Variants in DLGAP5 observed in about 807,000 individuals in gnomAD.
The protein encoded by DLGAP5 is disks large-associated protein 5.
In DLGAP5, 90 loss-of-function variants were observed where a neutral mutation model predicts 99.6. That is an observed-to-expected ratio of 0.90 (90% CI 0.76 to 1.08). The LOEUF (loss-of-function observed/expected upper bound fraction) is 1.08. Ranked by LOEUF, DLGAP5 falls within the 50% of genes least tolerant of loss-of-function variation. DLGAP5 has a pLI of 0.00. For synonymous variants in DLGAP5, 311 were observed against 321.3 expected (o/e 0.97, Z 0.34); for missense variants, 1,036 against 983.5 (o/e 1.05, Z -0.71).
intron 10 of DLGAP5, among the ~76,000 whole-genome samples, chr14:55,173,587 G>A (rs1594676339): frequency 6.8e-6 from 1 of 147,906 alleles, no homozygotes; most frequent in East Asian, 1.9e-4. Flanking sequence ...GATATATGTT[G>A]TCTCTCTCTC....
In DLGAP5 at chr14:55,183,778, A is replaced by G. The variant is rs535366246; in HGVS notation, c.239-25T>C. On this transcript the variant is annotated intron_variant, in intron 2 of 18. Transcript: ENST00000247191. ...CCTAGGCAGAAAAAAAACCAAAACC[A>G]CACAGTATATAAAACATTTCAGATG... The G allele has an allele frequency of 3.3e-6, 5 of 1,524,526 alleles. No individual in the cohort carries two copies. The South Asian group carries it at 5.1e-5, about 16-fold the overall frequency. 94.4% of individuals were successfully genotyped at this position (1,524,526 alleles called of 1,614,324 possible).
intron 14 of DLGAP5, among the ~76,000 whole-genome samples, chr14:55,156,353 AG>A (rs1882217040): frequency 1.3e-5 from 2 of 152,216 alleles, no homozygotes; most frequent in African/African-American, 4.8e-5. Context: ...GTTGAGAGAC[AG>A]GGTACTACAT....
intron 1 of DLGAP5, 117 bp downstream of exon 1, chr14:55,191,346 C>T (rs898022379): frequency 3.3e-5 from 5 of 152,924 alleles, no homozygotes; most frequent in African/African-American, 1.2e-4. Flanking sequence ...GTAACACGGT[C>T]CTAAAGGAGC....
intron 8 of DLGAP5, among the ~76,000 whole-genome samples, chr14:55,176,358 T>C (rs1228519732): frequency 1.3e-5 from 2 of 152,232 alleles, no homozygotes. Flanking sequence ...AACTGATTTT[T>C]CCCTTGTTTT....
At chr14:55,184,661 A>T (rs1883376205) in intron 2 of DLGAP5, among the ~76,000 whole-genome samples, 1 of 152,192 alleles carries the variant, frequency 6.6e-6, no homozygotes, top group Admixed American at 6.5e-5. Flanking sequence ...GGGAGAAGCC[A>T]GGTGCCATGT....
chr14:55,190,979 C>T (rs1594689020), intron 1 of DLGAP5: 2 of 152,244 alleles, frequency 1.3e-5, no homozygotes, highest in South Asian at 4.1e-4. Context: ...CGCTCTCATA[C>T]AGATGAGGTC....
intron 4 of DLGAP5, among the ~76,000 whole-genome samples, chr14:55,181,672 A>G (rs1247949462): frequency 6.6e-6 from 1 of 152,138 alleles, no homozygotes; most frequent in Non-Finnish European, 1.5e-5. Context: ...TCTCTTCTCC[A>G]CTTCCATAAT....
chr14:55,158,159 T>G (rs1470270432), intron 14 of DLGAP5, among the ~76,000 whole-genome samples: 1 of 152,224 alleles, frequency 6.6e-6, no homozygotes, highest in Non-Finnish European at 1.5e-5. Context: ...CTAACTGACC[T>G]GAAGAAAATC....
chr14:55,155,364 G>A (rs1224933575), intron 14 of DLGAP5, among the ~76,000 whole-genome samples: 2 of 148,774 alleles, frequency 1.3e-5, no homozygotes, highest in African/African-American at 5.0e-5. Flanking sequence ...TGTTTTTTTA[G>A]AGATGGAGTT....
At chr14:55,161,038 G>A (rs886544208) in intron 13 of DLGAP5, among the ~76,000 whole-genome samples, 1 of 151,948 alleles carries the variant, frequency 6.6e-6, no homozygotes, top group South Asian at 2.1e-4. Flanking sequence ...ATGGAAAAAA[G>A]GGAGGAAAGG....
chr14:55,154,501 G>C (rs904728100), intron 15 of DLGAP5, 116 bp downstream of exon 15: 1 of 824,538 alleles, frequency 1.2e-6, no homozygotes, highest in African/African-American at 1.7e-5. Context: ...TATGTTGCAG[G>C]GTCATTATGA....
Position 55,158,726 on chromosome 14 carries a change from C to T in DLGAP5, c.1669G>A (p.Gly557Ser). The change falls in exon 14 of 19, where the codon GGT becomes AGT. Residue 557 changes from glycine to serine, a missense_variant. Physicochemically the swap from Gly to Ser is moderately conservative, Grantham distance 56 (BLOSUM62 0). Coordinates refer to ENST00000247191, the MANE Select transcript of DLGAP5 (RefSeq NM_014750.5). Reference protein sequence around the residue: ...KNVFRKKVVSGIASKPKQDDA... With the variant: ...KNVFRKKVVSSIASKPKQDDA... ...TCCTGTTTTGGTTTACTTGCTATAC[C>T]TGAGACAACTTTTTTCTGCAAAGAG... 6.2e-7 allele frequency: 1 copy of T among 1,613,262 alleles called. No individual in the cohort carries two copies. Among genetic ancestry groups the T allele is most frequent in the Non-Finnish European group, 8.5e-7 (1 of 1,179,472 alleles).
intron 18 of DLGAP5, chr14:55,150,537 A>G: frequency 4.2e-6 from 1 of 240,830 alleles, no homozygotes; most frequent in Non-Finnish European, 8.0e-6. Context: ...ATATATTCAG[A>G]TATTCAAGTA....
chr14:55,190,224 G>GT lies in DLGAP5; in HGVS notation c.-1-1045dup, dbSNP rs375841070. The stretch of plus-strand genomic sequence containing the variant: ...GAGGCAGGACTGCTTGAGCCCAGGA[G>GT]TTTGAGACCAGCCTGGGCAACATAA... On this transcript the variant is annotated intron_variant, in intron 1 of 18. Coordinates refer to ENST00000247191, the MANE Select transcript of DLGAP5 (RefSeq NM_014750.5). Among the ~76,000 whole-genome samples, 29 of 152,060 alleles carry GT rather than the reference G, an allele frequency of 1.9e-4. 1 individual carries two copies. The highest frequency in any genetic ancestry group is 6.3e-4 in the African/African-American group (26 of 41,418).
rs1594658327 is a variant in DLGAP5 at position 55,148,226 on chromosome 14, C to T, written c.*125G>A. ...TATCTAAAATACACTTTGATGAACA[C>T]AGAATATTAAAACATTATATGCTAT... On this transcript the variant is annotated 3_prime_UTR_variant, in exon 19 of 19. Coordinates refer to ENST00000247191, the MANE Select transcript of DLGAP5 (RefSeq NM_014750.5). The T allele has an allele frequency of 1.0e-6, 1 of 975,584 alleles. No individual in the cohort carries two copies. 60.4% of individuals were successfully genotyped at this position (975,584 alleles called of 1,614,324 possible).
intron 3 of DLGAP5, among the ~76,000 whole-genome samples, chr14:55,182,809 T>G (rs143246356): frequency 1.1e-3 from 167 of 152,302 alleles, no homozygotes; most frequent in Admixed American, 3.2e-3. Flanking sequence ...TATATCCTTA[T>G]TGGAATGGTC....
intron 13 of DLGAP5, among the ~76,000 whole-genome samples, chr14:55,162,019 C>G (rs1021772340): frequency 7.3e-5 from 11 of 151,544 alleles, no homozygotes; most frequent in African/African-American, 2.7e-4. Flanking sequence ...TCTAGACAAC[C>G]TGAGTTTATA....
chr14:55,158,866 C>T (rs143015786), intron 13 of DLGAP5, 125 bp from the exon 14 acceptor site: 34 of 667,814 alleles, frequency 5.1e-5, no homozygotes, highest in Non-Finnish European at 7.4e-5. Flanking sequence ...AAATATTTCA[C>T]ATTCATCATA....
At chr14:55,184,520 C>T (rs569178339) in intron 2 of DLGAP5, among the ~76,000 whole-genome samples, 6 of 152,286 alleles carry the variant, frequency 3.9e-5, no homozygotes, top group South Asian at 2.1e-4. Context: ...GGTAGTCTTG[C>T]CCTGTGTCAT....
Sources: allele counts gnomAD v4.1 joint callset (sites outside exome capture counted in the v4.1 genomes callset), GRCh38; gene constraint gnomAD v4.1.1; transcripts MANE v1.5; gene names NCBI Gene and HGNC (gene_info 2026-07-23, HGNC 2026-07-21).